Variants in RAB33B observed in about 807,000 individuals in gnomAD.
The protein encoded by RAB33B is RAB33B, member RAS oncogene family.
In RAB33B, 6 loss-of-function variants were observed where a neutral mutation model predicts 15.0. The observed-to-expected ratio is 0.40, with a 90% CI of 0.22 to 0.79. RAB33B has a LOEUF of 0.79. RAB33B is among the 30% of genes least tolerant of loss of function. The pLI, the probability that RAB33B is intolerant of heterozygous loss-of-function variation, is 0.37. For missense variants in RAB33B, 257 were observed against 296.4 expected (o/e 0.87, Z 0.98); for synonymous variants, 117 against 108.3 (o/e 1.08, Z -0.50).
chr4:139,476,490 C>T lies in RAB33B; in HGVS notation c.*3364C>T, dbSNP rs1750504919. Reference sequence around the variant, plus strand: ...AAGTTCGTCATGTATTTTGGGAGCACGTTTGCTACAGCCTGTGTGGCAAGG... The same window carrying T: ...AAGTTCGTCATGTATTTTGGGAGCATGTTTGCTACAGCCTGTGTGGCAAGG... On this transcript the variant is annotated 3_prime_UTR_variant, in exon 2 of 2. Coordinates refer to ENST00000305626, the MANE Select transcript of RAB33B (RefSeq NM_031296.3). The T allele has an allele frequency of 1.3e-5, 2 of 152,172 alleles. No homozygotes were observed. The highest frequency in any genetic ancestry group is 6.5e-5 in the Admixed American group (1 of 15,274). 9.4% of individuals were successfully genotyped at this position (152,172 alleles called of 1,614,324 possible). A position where few individuals can be genotyped will look rare whatever the true frequency, so the allele number is the denominator to read the frequency against.
chr4:139,475,201 G>A lies in RAB33B; in HGVS notation c.*2075G>A, dbSNP rs1213001291. ...TTTTTGTAATAAAACAATGACAGCT[G>A]TAGTAACTATGATGGGTGTAACAAC... On this transcript the variant is annotated 3_prime_UTR_variant, in exon 2 of 2. Coordinates refer to ENST00000305626, the MANE Select transcript of RAB33B (RefSeq NM_031296.3). The A allele has an allele frequency of 5.9e-5, 9 of 152,046 alleles. No homozygotes were observed. The highest frequency in any genetic ancestry group is 1.9e-4 in the African/African-American group (8 of 41,442). The allele number at this position is 152,046 out of a possible 1,614,324, so 9.4% of individuals were successfully genotyped here. A position where few individuals can be genotyped will look rare whatever the true frequency, so the allele number is the denominator to read the frequency against.
At position 139,454,380 on chromosome 4, in the gene RAB33B, C is replaced by G. The variant is rs1410142464; in HGVS notation, c.185C>G (p.Thr62Ser). 3 of 1,613,704 alleles carry G rather than the reference C, an allele frequency of 1.9e-6. No homozygotes were observed. The highest frequency in any genetic ancestry group is 1.7e-5 in the Admixed American group (1 of 60,014). The change falls in exon 1 of 2, where the codon ACC (threonine) becomes AGC (serine). Residue 62 changes from threonine (T) to serine (S), a missense_variant. By Grantham distance (58) the Thr-to-Ser change is moderately conservative. Coordinates refer to ENST00000305626, the MANE Select transcript of RAB33B (RefSeq NM_031296.3). The part of the protein sequence containing the change: ...RFCAGRFPDR[T>S]EATIGVDFRE... ...TGCGCTGGCCGCTTCCCCGACCGCA[C>G]CGAGGCCACGATAGGGGTGGATTTC...
At chr4:139,446,290 GATAT>G in the RAB33B span, among the ~76,000 whole-genome samples, 1 of 152,164 alleles carries the variant, frequency 6.6e-6, no homozygotes, top group East Asian at 1.9e-4. Flanking sequence ...GATTCTGCAC[GATAT>G]GTAGGCACTA....
chr4:139,471,795 T>C (rs1003710976), intron 1 of RAB33B, among the ~76,000 whole-genome samples: 1 of 152,222 alleles, frequency 6.6e-6, no homozygotes, highest in African/African-American at 2.4e-5. Flanking sequence ...TTAGGTATCG[T>C]ATCTTAAGAA....
At chr4:139,459,100 G>A (rs1579174730) in intron 1 of RAB33B, among the ~76,000 whole-genome samples, 1 of 149,548 alleles carries the variant, frequency 6.7e-6, no homozygotes, top group South Asian at 2.1e-4. Context: ...TTCTTAATGG[G>A]GTTGTTTCTA....
the RAB33B span, among the ~76,000 whole-genome samples, chr4:139,443,572 G>A: frequency 5.9e-5 from 9 of 152,312 alleles, no homozygotes; most frequent in Admixed American, 2.0e-4. Context: ...AACTGAAATT[G>A]TGGAAAAACA....
chr4:139,442,799 C>A, the RAB33B span, among the ~76,000 whole-genome samples: 18 of 152,058 alleles, frequency 1.2e-4, no homozygotes, highest in South Asian at 1.7e-3. Flanking sequence ...ATATATATAT[C>A]TATTCCATTA....
At chr4:139,445,781 A>G in the RAB33B span, among the ~76,000 whole-genome samples, 160 of 152,218 alleles carry the variant, frequency 1.1e-3, 2 homozygotes, top group Non-Finnish European at 1.9e-3. Context: ...AGCAGATCCA[A>G]TGGTGCTTGA....
chr4:139,448,931 TGA>T (rs1749875403), upstream of RAB33B: 3 of 152,054 alleles, frequency 2.0e-5, no homozygotes, highest in African/African-American at 4.8e-5. Context: ...TGAGTGTGTG[TGA>T]GTGTGACTGT....
chr4:139,451,518 G>A (rs953032388), upstream of RAB33B: 1 of 151,948 alleles, frequency 6.6e-6, no homozygotes, highest in Non-Finnish European at 1.5e-5. Flanking sequence ...GGGATTACAG[G>A]CATGTGCCAC....
intron 1 of RAB33B, among the ~76,000 whole-genome samples, chr4:139,465,200 T>G (rs935301132): frequency 1.3e-5 from 2 of 152,260 alleles, no homozygotes; most frequent in Non-Finnish European, 2.9e-5. Flanking sequence ...TTGAGAAGTG[T>G]CTGTTCATGT....
intron 1 of RAB33B, among the ~76,000 whole-genome samples, chr4:139,466,886 A>G (rs1277371671): frequency 6.9e-6 from 1 of 145,536 alleles, no homozygotes; most frequent in African/African-American, 2.5e-5. Context: ...GGCCTCAGAT[A>G]TATTTTATTT....
chr4:139,470,909 C>G (rs991017135), intron 1 of RAB33B, among the ~76,000 whole-genome samples: 1 of 152,102 alleles, frequency 6.6e-6, no homozygotes, highest in Non-Finnish European at 1.5e-5. Flanking sequence ...TATCTAAGAT[C>G]AAGAGAGCAT....
the RAB33B span, among the ~76,000 whole-genome samples, chr4:139,443,966 A>G: frequency 6.6e-6 from 1 of 152,188 alleles, no homozygotes; most frequent in Non-Finnish European, 1.5e-5. Flanking sequence ...ATCTATAACA[A>G]GACTAAAGTC....
At chr4:139,447,821 T>A in the RAB33B span, among the ~76,000 whole-genome samples, 1 of 151,566 alleles carries the variant, frequency 6.6e-6, no homozygotes, top group Non-Finnish European at 1.5e-5. Flanking sequence ...CGCCCGCCAC[T>A]ACGCCCGGCT....
the RAB33B span, among the ~76,000 whole-genome samples, chr4:139,441,490 C>T: frequency 1.3e-5 from 2 of 152,012 alleles, no homozygotes; most frequent in Non-Finnish European, 2.9e-5. Context: ...AAGAAATTGA[C>T]AAAATTTAAC....
chr4:139,460,219 G>A (rs1017376885), intron 1 of RAB33B, among the ~76,000 whole-genome samples: 1 of 152,150 alleles, frequency 6.6e-6, no homozygotes, highest in African/African-American at 2.4e-5. Flanking sequence ...GACAGGCTCT[G>A]TAACATTATG....
chr4:139,450,494 AGGGAGAGGATTTTTGTCCCCAAGGGG>A (rs199971678), upstream of RAB33B: 50 of 152,276 alleles, frequency 3.3e-4, no homozygotes, highest in East Asian at 9.6e-3. Flanking sequence ...AGGAGGAGGG[AGGGAGAGGATTTTTGTCCCCAAGGGG>A]CATCTAGCAA....
Position 139,474,412 on chromosome 4 carries a change from A to G in RAB33B, c.*1286A>G, listed in dbSNP as rs1379468433. ...GGAGACCTATTCTTAGCCTTTACTAATTTCAAGCAGTGTATCCCATATGGT... is the reference window on the plus strand; with the variant it reads ...GGAGACCTATTCTTAGCCTTTACTAGTTTCAAGCAGTGTATCCCATATGGT... On this transcript the variant is annotated 3_prime_UTR_variant, in exon 2 of 2. Transcript: ENST00000305626. The G allele has an allele frequency of 1.3e-5, 2 of 152,200 alleles. No homozygotes were observed. Among genetic ancestry groups the G allele is most frequent in the African/African-American group, 4.8e-5 (2 of 41,450 alleles). 9.4% of individuals were successfully genotyped at this position (152,200 alleles called of 1,614,324 possible).
Sources: gnomAD v4.1 joint callset for allele counts (sites outside exome capture counted in the v4.1 genomes callset) on GRCh38, gnomAD v4.1.1 for gene constraint, MANE v1.5 for transcripts, NCBI Gene and HGNC (gene_info 2026-07-23, HGNC 2026-07-21) for gene names.